Variants in HTR4 observed in about 807,000 individuals in gnomAD.
The protein encoded by HTR4 is 5-hydroxytryptamine receptor 4.
Under a neutral mutation model 36.8 loss-of-function variants are expected in HTR4, and 16 were observed. The ratio of observed to expected loss-of-function variants is 0.43; its 90% CI spans 0.29 to 0.66. HTR4 has a LOEUF of 0.66. Ranked by LOEUF, HTR4 falls within the 30% of genes least tolerant of loss-of-function variation. HTR4 has a pLI of 0.13. For missense variants in HTR4, 438 were observed against 490.9 expected, an observed-to-expected ratio of 0.89 and a Z score of 1.02; for synonymous variants, 189 against 185.1, an observed-to-expected ratio of 1.02 and a Z score of -0.17.
intron 2 of HTR4, among the ~76,000 whole-genome samples, chr5:148,631,653 T>C (rs1271728151): frequency 2.0e-5 from 3 of 152,162 alleles, no homozygotes; most frequent in Non-Finnish European, 4.4e-5. Flanking sequence ...AACTTTTCTG[T>C]TTAAAAAATT....
chr5:148,479,096 C>T (rs1755796134), downstream of HTR4, among the ~76,000 whole-genome samples: 2 of 152,100 alleles, frequency 1.3e-5, no homozygotes. Context: ...CCTTAAATGC[C>T]TCCTCGTGGT....
chr5:148,537,682 C>G (rs1758892895), intron 4 of HTR4, among the ~76,000 whole-genome samples: 1 of 152,050 alleles, frequency 6.6e-6, no homozygotes, highest in Non-Finnish European at 1.5e-5. Context: ...AACACTGAAC[C>G]AGGAAGAAAC....
chr5:148,609,757 G>A (rs535751171), intron 2 of HTR4, among the ~76,000 whole-genome samples: 118 of 151,998 alleles, frequency 7.8e-4, no homozygotes, highest in South Asian at 4.0e-3. Context: ...TAGTAGAGAC[G>A]GGGTTTCACC....
downstream of HTR4, among the ~76,000 whole-genome samples, chr5:148,475,420 A>G (rs1010272538): frequency 2.6e-5 from 4 of 152,064 alleles, no homozygotes; most frequent in African/African-American, 9.7e-5. Flanking sequence ...TTACTGTCTT[A>G]GAAGGTGAAG....
At chr5:148,605,776 A>G (rs533145588) in intron 2 of HTR4, among the ~76,000 whole-genome samples, 11 of 152,156 alleles carry the variant, frequency 7.2e-5, no homozygotes, top group Non-Finnish European at 1.6e-4. Flanking sequence ...AAAACAAATC[A>G]ACCCAGACTG....
At chr5:148,544,542 C>T (rs1456177396) in intron 4 of HTR4, among the ~76,000 whole-genome samples, 1 of 152,108 alleles carries the variant, frequency 6.6e-6, no homozygotes, top group Non-Finnish European at 1.5e-5. Context: ...AACTAGTACT[C>T]TATCATGACT....
At chr5:148,484,396 T>G in intron 6 of HTR4, 1 of 1,605,032 alleles carries the variant, frequency 6.2e-7, no homozygotes, top group Non-Finnish European at 8.5e-7. Flanking sequence ...GATAAAGAAA[T>G]TATTTGGCAT....
chr5:148,505,621 AC>A (rs1394701944), intron 6 of HTR4, among the ~76,000 whole-genome samples: 1 of 151,992 alleles, frequency 6.6e-6, no homozygotes, highest in African/African-American at 2.4e-5. Context: ...TATTTAGAAA[AC>A]CCCATCGTCT....
Position 148,553,502 on chromosome 5 carries a change from G to A in HTR4, c.27-3240C>T, listed in dbSNP as rs569981367. Among the ~76,000 whole-genome samples, 3 of 152,274 alleles carry A rather than the reference G, an allele frequency of 2.0e-5. No individual in the cohort carries two copies. In the East Asian group the frequency reaches 5.8e-4, roughly 29 times the overall value. ...TAGAGAAATTTTTAAAATCTCCCAA[G>A]TGACTCTGATGTGTAATGAATTAGA... On this transcript the variant is annotated intron_variant, in intron 2 of 6. Transcript: ENST00000377888.
intron 5 of HTR4, among the ~76,000 whole-genome samples, chr5:148,468,728 T>A (rs1755495202): frequency 6.6e-6 from 1 of 152,230 alleles, no homozygotes; most frequent in Non-Finnish European, 1.5e-5. Flanking sequence ...AGTCTTGATA[T>A]GGCTGGCTGT....
intron 5 of HTR4, chr5:148,520,870 T>C (rs111953300): frequency 1.3e-5 from 18 of 1,367,242 alleles, no homozygotes; most frequent in Non-Finnish European, 1.7e-5. Flanking sequence ...AATTCACTCT[T>C]CTGCCTCCGG....
intron 6 of HTR4, among the ~76,000 whole-genome samples, chr5:148,489,694 A>G (rs548801374): frequency 2.0e-5 from 3 of 152,248 alleles, no homozygotes; most frequent in African/African-American, 7.2e-5. Flanking sequence ...AAGCTGACCA[A>G]TCTTGTATGT....
intron 6 of HTR4, among the ~76,000 whole-genome samples, chr5:148,497,587 T>G (rs1219418653): frequency 6.6e-6 from 1 of 152,222 alleles, no homozygotes; most frequent in Non-Finnish European, 1.5e-5. Context: ...TATCATTAGG[T>G]TATTTCTTTT....
At chr5:148,588,702 G>A (rs993752999) in intron 2 of HTR4, among the ~76,000 whole-genome samples, 4 of 150,438 alleles carry the variant, frequency 2.7e-5, no homozygotes, top group South Asian at 2.1e-4. Flanking sequence ...CACCGCGCCC[G>A]GCTAATTTTT....
intron 2 of HTR4, among the ~76,000 whole-genome samples, chr5:148,593,701 T>G (rs958764694): frequency 6.6e-6 from 1 of 152,188 alleles, no homozygotes; most frequent in Non-Finnish European, 1.5e-5. Flanking sequence ...CCTGTCATTC[T>G]ATGGCTTAAA....
intron 6 of HTR4, among the ~76,000 whole-genome samples, chr5:148,503,259 A>T (rs1201425595): frequency 6.6e-6 from 1 of 152,214 alleles, no homozygotes; most frequent in Non-Finnish European, 1.5e-5. Flanking sequence ...CAGGTTACCC[A>T]CAAAGGGAAG....
chr5:148,537,819 G>C (rs1758903154), intron 4 of HTR4, among the ~76,000 whole-genome samples: 1 of 152,000 alleles, frequency 6.6e-6, no homozygotes, highest in Admixed American at 6.6e-5. Context: ...AGAATACCTG[G>C]TACCATTCCT....
At chr5:148,529,420 T>A (rs1459919135) in intron 4 of HTR4, among the ~76,000 whole-genome samples, 3 of 152,108 alleles carry the variant, frequency 2.0e-5, no homozygotes, top group Non-Finnish European at 4.4e-5. Flanking sequence ...GGTGACTGGG[T>A]CTCACAAGAT....
At chr5:148,646,822 A>G (rs4406124) in intron 1 of HTR4, among the ~76,000 whole-genome samples, 71,653 of 151,954 alleles carry the variant, frequency 0.47, 17,306 homozygotes, top group East Asian at 0.59. Context: ...AGATGAAGAA[A>G]CTGAGGCATA....
Sources: gnomAD v4.1 joint callset for allele counts (sites outside exome capture counted in the v4.1 genomes callset) on GRCh38, gnomAD v4.1.1 for gene constraint, MANE v1.5 for transcripts, NCBI Gene and HGNC (gene_info 2026-07-23, HGNC 2026-07-21) for gene names.